Variants in FGD3 observed in about 807,000 individuals in gnomAD.
The protein encoded by FGD3 is FYVE, RhoGEF and PH domain-containing protein 3.
In FGD3, 45 loss-of-function variants were observed where a neutral mutation model predicts 71.8. The observed-to-expected ratio is 0.63, with a 90% CI of 0.49 to 0.80. The LOEUF (loss-of-function observed/expected upper bound fraction) is 0.80, where lower values mean the gene tolerates loss of function less well. Among genes scored for constraint, FGD3 ranks in the 30% least tolerant of loss-of-function variants. The pLI, the probability that FGD3 is intolerant of heterozygous loss-of-function variation, is 0.00. For missense variants in FGD3, 844 were observed against 951.5 expected, an observed-to-expected ratio of 0.89 and a Z score of 1.49; for synonymous variants, 378 against 392.8, an observed-to-expected ratio of 0.96 and a Z score of 0.44.
intron 1 of FGD3, among the ~76,000 whole-genome samples, chr9:92,948,386 T>C (rs913889785): frequency 1.3e-5 from 2 of 152,238 alleles, no homozygotes; most frequent in Admixed American, 6.5e-5. Context: ...CGGATAGACA[T>C]GGGCCGAAAG....
intron 16 of FGD3, chr9:93,033,320 G>A (rs867602397): frequency 6.6e-5 from 10 of 152,322 alleles, no homozygotes; most frequent in African/African-American, 3.1e-4. Context: ...CCTCCTCCCC[G>A]TCCCCTTCTC....
In FGD3 at chr9:92,976,610, G is replaced by T. The variant is rs374139968; in HGVS notation, c.354G>T (p.Pro118=). The change falls in exon 3 of 18, where the codon CCG becomes CCT. Residue 118 remains proline (P), a synonymous_variant. Coordinates refer to ENST00000375482, the MANE Select transcript of FGD3 (RefSeq NM_001083536.2). The stretch of plus-strand genomic sequence containing the variant: ...AGATGGCCCTGGACAGCCAGGTCCC[G>T]AAGGTCACCCCCCAGGAGGAGGCGG... ...HAEMALDSQV[P]KVTPQEEADS... 1.2e-6 allele frequency: 2 copies of T among 1,612,806 alleles called. No individual in the cohort carries two copies. Among genetic ancestry groups the T allele is most frequent in the Non-Finnish European group, 8.5e-7 (1 of 1,179,898 alleles).
chr9:93,014,117 A>G (rs2118762140), intron 9 of FGD3, 119 bp downstream of exon 9: 1 of 1,307,038 alleles, frequency 7.7e-7, no homozygotes, highest in Non-Finnish European at 1.0e-6. Flanking sequence ...GGCCTCTCCT[A>G]CTGGGACTGT....
rs768959160 is a variant in FGD3 at position 93,003,986 on chromosome 9, C to T, written c.544-15C>T. 5.7e-5 allele frequency: 92 copies of T among 1,613,754 alleles called. No homozygotes were observed. Among genetic ancestry groups the T allele is most frequent in the Non-Finnish European group, 7.4e-5 (87 of 1,179,948 alleles). On this transcript the variant is annotated splice_polypyrimidine_tract_variant and intron_variant, in intron 4 of 17. Coordinates refer to ENST00000375482, the MANE Select transcript of FGD3 (RefSeq NM_001083536.2). This position sits in a 1 kb window ranked among gnomAD's most constrained non-coding sequence, Gnocchi z 4.1. ...AAGAGGCTCACTGGCCACACGTGGGCTTCTCTATGCTCAGGTTTTCTGCAC... is the reference window on the plus strand; with the variant it reads ...AAGAGGCTCACTGGCCACACGTGGGTTTCTCTATGCTCAGGTTTTCTGCAC...
Position 93,010,237 on chromosome 9 carries a change from T to C in FGD3, c.838-9T>C. The C allele has an allele frequency of 1.2e-6, 2 of 1,602,304 alleles. No homozygotes were observed. Among genetic ancestry groups the C allele is most frequent in the Non-Finnish European group, 1.7e-6 (2 of 1,171,678 alleles). On this transcript the variant is annotated splice_polypyrimidine_tract_variant and intron_variant, in intron 6 of 17. Transcript: ENST00000375482. ...CTTGGAGTGCCCAATGCTCCCTCTGTCCCCACAGAAGCAGGAGGTATGCGG... is the reference window on the plus strand; with the variant it reads ...CTTGGAGTGCCCAATGCTCCCTCTGCCCCCACAGAAGCAGGAGGTATGCGG...
At chr9:93,011,972 T>C (rs1303231664) in intron 8 of FGD3, among the ~76,000 whole-genome samples, 2 of 151,820 alleles carry the variant, frequency 1.3e-5, no homozygotes, top group African/African-American at 2.4e-5. Context: ...TCCTGGCTAA[T>C]ATGGTGAAAC....
At chr9:93,010,444 G>A (rs1197734968) in intron 7 of FGD3, 60 bp downstream of exon 7, 2 of 1,519,754 alleles carry the variant, frequency 1.3e-6, no homozygotes, top group Non-Finnish European at 1.8e-6. Flanking sequence ...AACTCTGGGG[G>A]TGGGGAGAGA....
chr9:92,974,044 A>G (rs1262332051), intron 1 of FGD3, among the ~76,000 whole-genome samples: 2 of 152,206 alleles, frequency 1.3e-5, no homozygotes, highest in Non-Finnish European at 2.9e-5. Flanking sequence ...CAGGGACCAC[A>G]GTGTTTTACC....
intron 1 of FGD3, among the ~76,000 whole-genome samples, chr9:92,959,486 T>A (rs1486717294): frequency 2.0e-5 from 3 of 151,816 alleles, no homozygotes; most frequent in Non-Finnish European, 4.4e-5. Flanking sequence ...GGTAGAAGGA[T>A]CGCTTGAGCC....
At position 93,011,277 on chromosome 9, in the gene FGD3, G is replaced by A. The variant is rs1446306364; in HGVS notation, c.1035+5G>A. ...AATGCTGCCATTCGGAAAGTGGTGA[G>A]TGTGGGGCTCCAGTGGCGACCGGCA... On this transcript the variant is annotated splice_donor_5th_base_variant and intron_variant, in intron 8 of 17. Transcript: ENST00000375482. 1 of 1,614,170 alleles carries A rather than the reference G, an allele frequency of 6.2e-7. No homozygotes were observed. Among genetic ancestry groups the A allele is most frequent in the Non-Finnish European group, 8.5e-7 (1 of 1,180,000 alleles).
intron 7 of FGD3, among the ~76,000 whole-genome samples, chr9:93,010,739 G>A (rs1196365073): frequency 6.6e-6 from 1 of 151,482 alleles, no homozygotes; most frequent in South Asian, 2.1e-4. Flanking sequence ...GAGAGAGAAA[G>A]AGAGAGAACA....
At position 93,021,933 on chromosome 9, in the gene FGD3, C is replaced by T. The variant is rs904882518; in HGVS notation, c.1495-394C>T. The stretch of plus-strand genomic sequence containing the variant: ...GCCCTTTCTGTTCAGAGGCTGAGCC[C>T]GGAGCCTCACTGTGCTGAGAAAGTC... On this transcript the variant is annotated intron_variant, in intron 13 of 17. Coordinates refer to ENST00000375482, the MANE Select transcript of FGD3 (RefSeq NM_001083536.2). Among the ~76,000 whole-genome samples the T allele has an allele frequency of 3.3e-5, 5 of 152,178 alleles. No homozygotes were observed. The East Asian group carries it at 5.8e-4, about 18-fold the overall frequency.
chr9:93,017,293 A>C (rs1861739510), intron 10 of FGD3, among the ~76,000 whole-genome samples: 1 of 152,198 alleles, frequency 6.6e-6, no homozygotes, highest in Admixed American at 6.5e-5. Flanking sequence ...TAAAAATAAT[A>C]ATGAAACAAC....
intron 1 of FGD3, among the ~76,000 whole-genome samples, chr9:92,965,324 T>C (rs984923175): frequency 3.9e-5 from 6 of 152,196 alleles, no homozygotes; most frequent in African/African-American, 1.2e-4. Flanking sequence ...TGGTCAGCCA[T>C]TCTTGCAGGG....
intron 1 of FGD3, among the ~76,000 whole-genome samples, chr9:92,967,878 C>T (rs919681918): frequency 2.6e-5 from 4 of 152,172 alleles, no homozygotes; most frequent in African/African-American, 7.2e-5. Flanking sequence ...CGGCCTCCTT[C>T]TGTTTAAGGC....
rs776859010 is a variant in FGD3 at position 93,032,792 on chromosome 9, G to A, written c.1704G>A (p.Glu568=). ...CGAVICGKCS[E]FKAENSRQSR... is the part of the protein sequence containing the mutation. ...AGGTCATCTGTGGGAAGTGCTCCGAGTTCAAGGCCGAGAACAGCCGGCAGA... is the reference window on the plus strand; with the variant it reads ...AGGTCATCTGTGGGAAGTGCTCCGAATTCAAGGCCGAGAACAGCCGGCAGA... The change falls in exon 16 of 18, where the codon GAG becomes GAA. Residue 568 remains glutamate, a synonymous_variant. Transcript: ENST00000375482. The A allele has an allele frequency of 6.2e-7, 1 of 1,614,232 alleles. No individual in the cohort carries two copies. The highest frequency in any genetic ancestry group is 1.7e-5 in the Admixed American group (1 of 60,032).
chr9:92,993,959 A>G (rs1008659088), intron 3 of FGD3, among the ~76,000 whole-genome samples: 9 of 152,242 alleles, frequency 5.9e-5, no homozygotes, highest in African/African-American at 1.9e-4. Flanking sequence ...AGCGTGATTT[A>G]TAATCCTTTG....
chr9:93,019,111 A>G (rs975382057), intron 11 of FGD3, among the ~76,000 whole-genome samples: 1 of 152,128 alleles, frequency 6.6e-6, no homozygotes, highest in African/African-American at 2.4e-5. Flanking sequence ...CGGCCTCCCA[A>G]AGTGCTGGGA....
chr9:93,024,756 CAG>C (rs1263181758), intron 14 of FGD3, among the ~76,000 whole-genome samples: 2 of 152,392 alleles, frequency 1.3e-5, no homozygotes, highest in East Asian at 1.9e-4. Flanking sequence ...GGGATCCACA[CAG>C]GGCGTCTGAG....
Sources: gnomAD v4.1 joint callset for allele counts (sites outside exome capture counted in the v4.1 genomes callset) on GRCh38, gnomAD v4.1.1 for gene constraint, Gnocchi (gnomAD v3.1) non-coding constraint, MANE v1.5 for transcripts, NCBI Gene and HGNC (gene_info 2026-07-23, HGNC 2026-07-21) for gene names.